Variants in IL1RAPL1 observed in about 807,000 individuals in gnomAD.
IL1RAPL1 encodes interleukin 1 receptor accessory protein like 1, also known as interleukin-1 receptor accessory protein-like 1.
A neutral mutation model predicts 48.4 loss-of-function variants in IL1RAPL1; 3 were observed. The observed-to-expected ratio is 0.06, with a 90% confidence interval of 0.03 to 0.16. IL1RAPL1 has a LOEUF of 0.16. IL1RAPL1 is among the 10% of genes least tolerant of loss of function. The probability of loss-of-function intolerance (pLI) is 1.00; values close to 1 mark genes in which losing one functional copy is unlikely to be tolerated. For synonymous variants in IL1RAPL1, 185 were observed against 187.7 expected (o/e 0.99, Z 0.12); for missense variants, 349 against 530.6 (o/e 0.66, Z 3.36).
intron 1 of IL1RAPL1, among the ~76,000 whole-genome samples, chrX:28,661,998 A>C (rs1195231481): frequency 9.0e-6 from 1 of 111,638 alleles, no homozygotes. Flanking sequence ...CCAGCTGGTA[A>C]GGCTGGAACA....
chrX:29,937,691 G>A (rs1286735352), intron 8 of IL1RAPL1, among the ~76,000 whole-genome samples: 1 of 111,540 alleles, frequency 9.0e-6, no homozygotes, highest in Non-Finnish European at 1.9e-5. Context: ...TAACTGAGGG[G>A]CAGGCACTGT....
At chrX:29,185,455 T>A (rs953629218) in intron 2 of IL1RAPL1, among the ~76,000 whole-genome samples, 1 of 112,117 alleles carries the variant, frequency 8.9e-6, no homozygotes, top group African/African-American at 3.2e-5. Flanking sequence ...GTTGATAATT[T>A]CAGGAGGTTG....
chrX:29,388,106 CAA>C (rs71862742), intron 3 of IL1RAPL1, among the ~76,000 whole-genome samples: 1 of 51,716 alleles, frequency 1.9e-5, no homozygotes. Context: ...AAGGTTAAGC[CAA>C]AAAAAAAAAA....
chrX:29,733,174 T>C (rs922126706), intron 6 of IL1RAPL1, among the ~76,000 whole-genome samples: 1 of 111,753 alleles, frequency 8.9e-6, no homozygotes, highest in Non-Finnish European at 1.9e-5. Flanking sequence ...TCACTTTCCC[T>C]CTGAGCTCCC....
At chrX:29,524,980 G>A (rs181705021) in intron 5 of IL1RAPL1, among the ~76,000 whole-genome samples, 143 of 112,025 alleles carry the variant, frequency 1.3e-3, no homozygotes, top group Non-Finnish European at 1.7e-3. Context: ...TTTCACCTTT[G>A]GCTACTATTG....
At chrX:29,383,384 C>T (rs560388248) in intron 3 of IL1RAPL1, among the ~76,000 whole-genome samples, 10 of 111,941 alleles carry the variant, frequency 8.9e-5, no homozygotes, top group African/African-American at 3.2e-4. Flanking sequence ...TTGTCACATT[C>T]GGATAAAGAT....
chrX:29,354,136 A>G (rs1011263963), intron 3 of IL1RAPL1, among the ~76,000 whole-genome samples: 1 of 111,111 alleles, frequency 9.0e-6, no homozygotes, highest in Non-Finnish European at 1.9e-5. Context: ...TTTTTTTAAT[A>G]CATGAGGACA....
chrX:28,672,750 T>A (rs1934959900), intron 1 of IL1RAPL1, among the ~76,000 whole-genome samples: 1 of 111,328 alleles, frequency 9.0e-6, no homozygotes, highest in Non-Finnish European at 1.9e-5. Context: ...TTCAATCCTT[T>A]AAAAAAAATA....
At chrX:29,515,208 C>T (rs965458515) in intron 5 of IL1RAPL1, among the ~76,000 whole-genome samples, 4 of 112,443 alleles carry the variant, frequency 3.6e-5, no homozygotes, top group African/African-American at 1.3e-4. Flanking sequence ...CATGCAATTG[C>T]AAAAGACATT....
At chrX:29,896,182 C>CTGTA (rs1486350184) in intron 6 of IL1RAPL1, among the ~76,000 whole-genome samples, 1 of 112,037 alleles carries the variant, frequency 8.9e-6, no homozygotes, top group Admixed American at 9.5e-5. Flanking sequence ...TTTCAGTGTG[C>CTGTA]TGTATGTTTA....
intron 6 of IL1RAPL1, among the ~76,000 whole-genome samples, chrX:29,720,717 C>T (rs917702505): frequency 4.5e-5 from 5 of 110,579 alleles, no homozygotes; most frequent in East Asian, 5.7e-4. Context: ...CAAACCTGCA[C>T]GTTCTGCACA....
At chrX:29,270,465 A>G (rs372374171) in intron 2 of IL1RAPL1, among the ~76,000 whole-genome samples, 1 of 112,263 alleles carries the variant, frequency 8.9e-6, no homozygotes, top group East Asian at 2.8e-4. Context: ...AGTAGAATGT[A>G]TGAATCAAAG....
Position 29,745,365 on chromosome X carries a change from G to A in IL1RAPL1, c.778+76861G>A, listed in dbSNP as rs540174902. On this transcript the variant is annotated intron_variant, in intron 6 of 10. Transcript: ENST00000378993. ...GACAGTAATAAAATCAGGAAGGTAAGACAAGAATTATCCAGTCTTTGCAGG... is the reference window on the plus strand; with the variant it reads ...GACAGTAATAAAATCAGGAAGGTAAAACAAGAATTATCCAGTCTTTGCAGG... Among the ~76,000 whole-genome samples, 39 of 101,272 alleles carry A rather than the reference G, an allele frequency of 3.9e-4. No homozygotes were observed. The South Asian group carries it at 0.019, about 49-fold the overall frequency. The allele number at this position is 101,272 out of a possible 115,157, so 87.9% of individuals were successfully genotyped here.
intron 4 of IL1RAPL1, 46 bp downstream of exon 4, chrX:29,396,490 G>C: frequency 9.1e-7 from 1 of 1,099,810 alleles, no homozygotes; most frequent in Non-Finnish European, 1.3e-6. Flanking sequence ...AATTAATTGT[G>C]CCTTATATTC....
In IL1RAPL1 at chrX:28,847,156, C is replaced by A. The variant is rs756487635; in HGVS notation, c.82+57731C>A. Among the ~76,000 whole-genome samples, 27 of 111,207 alleles carry A rather than the reference C, an allele frequency of 2.4e-4. 1 individual carries two copies. Among genetic ancestry groups the A allele is most frequent in the African/African-American group, 7.2e-4 (22 of 30,654 alleles). On this transcript the variant is annotated intron_variant, in intron 2 of 10. Transcript: ENST00000378993. ...AACTTTATCCTTTCAGATGATCATG[C>A]CATAACCTTCATTCCTTTTAGCTCT...
intron 2 of IL1RAPL1, among the ~76,000 whole-genome samples, chrX:29,030,844 A>T (rs772799072): frequency 8.9e-6 from 1 of 111,893 alleles, no homozygotes; most frequent in South Asian, 3.8e-4. Flanking sequence ...ATATCAAAGT[A>T]CTAAAGAGAA....
intron 1 of IL1RAPL1, among the ~76,000 whole-genome samples, chrX:28,763,403 G>A (rs1681846562): frequency 1.8e-5 from 2 of 111,687 alleles, no homozygotes; most frequent in Admixed American, 1.9e-4. Context: ...ATTTTTATTG[G>A]TTTTCTCTTG....
intron 2 of IL1RAPL1, among the ~76,000 whole-genome samples, chrX:28,803,358 A>G (rs7877020): frequency 0.059 from 6,582 of 111,280 alleles, 334 homozygotes; most frequent in African/African-American, 0.16. Context: ...CTGCTGGTCT[A>G]TTGGACAGGC....
chrX:29,861,506 C>T (rs1359394912), intron 6 of IL1RAPL1, among the ~76,000 whole-genome samples: 1 of 111,356 alleles, frequency 9.0e-6, no homozygotes, highest in Non-Finnish European at 1.9e-5. Flanking sequence ...CCCTCAGCTA[C>T]TGTCACCTAA....
Sources: allele counts gnomAD v4.1 joint callset (sites outside exome capture counted in the v4.1 genomes callset), GRCh38; gene constraint gnomAD v4.1.1; transcripts MANE v1.5; gene names NCBI Gene and HGNC (gene_info 2026-07-23, HGNC 2026-07-21).